The following SIDT1 variants were observed in gnomAD, a reference collection of about 807,000 sequenced individuals.
SIDT1 encodes the protein SID1 transmembrane family, member 1.
A neutral mutation model predicts 107.5 loss-of-function variants in SIDT1; 101 were observed. The observed-to-expected ratio is 0.94, with a 90% CI of 0.80 to 1.11. The LOEUF (loss-of-function observed/expected upper bound fraction) is 1.11. Ranked by LOEUF, SIDT1 falls within the 50% of genes least tolerant of loss-of-function variation. The pLI, the probability that SIDT1 is intolerant of heterozygous loss-of-function variation, is 0.00. For missense variants in SIDT1, 1,076 were observed against 1,058.2 expected (o/e 1.02, Z -0.23); for synonymous variants, 395 against 398.2 (o/e 0.99, Z 0.10).
intron 13 of SIDT1, among the ~76,000 whole-genome samples, chr3:113,604,495 A>C (rs1490300605): frequency 6.6e-6 from 1 of 152,182 alleles, no homozygotes; most frequent in Non-Finnish European, 1.5e-5. Context: ...GGCCCTCATA[A>C]ATGATTTGGT....
At chr3:113,558,554 C>G (rs1047971492) in intron 1 of SIDT1, among the ~76,000 whole-genome samples, 1 of 152,188 alleles carries the variant, frequency 6.6e-6, no homozygotes, top group Non-Finnish European at 1.5e-5. Flanking sequence ...GAAAGACAGA[C>G]TTACTGCCTG....
chr3:113,562,907 A>G (rs965868218), intron 1 of SIDT1, among the ~76,000 whole-genome samples: 2 of 152,220 alleles, frequency 1.3e-5, no homozygotes, highest in Non-Finnish European at 2.9e-5. Context: ...AAAAAGTAAT[A>G]AAGTTGACTA....
At chr3:113,607,573 C>G (rs995873620) in intron 15 of SIDT1, among the ~76,000 whole-genome samples, 1 of 152,256 alleles carries the variant, frequency 6.6e-6, no homozygotes, top group Non-Finnish European at 1.5e-5. Flanking sequence ...GCCACCAGAA[C>G]TTGGTGACGT....
chr3:113,585,394 T>G (rs1436007992), intron 9 of SIDT1, 124 bp downstream of exon 9: 1 of 732,282 alleles, frequency 1.4e-6, no homozygotes, highest in African/African-American at 1.7e-5. Context: ...AATGTGACCT[T>G]GGATACCTTG....
chr3:113,575,982 A>C (rs934111096), intron 3 of SIDT1, among the ~76,000 whole-genome samples: 1 of 152,166 alleles, frequency 6.6e-6, no homozygotes, highest in Non-Finnish European at 1.5e-5. Flanking sequence ...ACTGCTGTGG[A>C]CTTGTGTGCA....
intron 13 of SIDT1, 122 bp from the exon 14 acceptor site, chr3:113,604,788 T>G: frequency 1.9e-6 from 2 of 1,071,696 alleles, no homozygotes; most frequent in Non-Finnish European, 2.8e-6. Flanking sequence ...ATAATCAGCT[T>G]CTGGTTACTT....
At chr3:113,600,211 G>A (rs1021254981) in intron 10 of SIDT1, among the ~76,000 whole-genome samples, 1 of 151,956 alleles carries the variant, frequency 6.6e-6, no homozygotes. Context: ...TCAGGAGGCC[G>A]AGGCAGGAGA....
chr3:113,634,317 A>C (rs1241986529), downstream of SIDT1, among the ~76,000 whole-genome samples: 1 of 152,126 alleles, frequency 6.6e-6, no homozygotes, highest in African/African-American at 2.4e-5. Flanking sequence ...CTACCTTCCA[A>C]TTTCTATTTA....
intron 9 of SIDT1, among the ~76,000 whole-genome samples, chr3:113,591,053 G>C (rs1944111829): frequency 6.6e-6 from 1 of 152,208 alleles, no homozygotes; most frequent in Admixed American, 6.5e-5. Flanking sequence ...AGACAAAAAG[G>C]TCAAAGGCAG....
At chr3:113,565,823 A>T (rs1216187349) in intron 1 of SIDT1, among the ~76,000 whole-genome samples, 1 of 152,240 alleles carries the variant, frequency 6.6e-6, no homozygotes, top group Non-Finnish European at 1.5e-5. Flanking sequence ...CTTTAATAAA[A>T]TGTGGTCATA....
intron 14 of SIDT1, among the ~76,000 whole-genome samples, chr3:113,606,241 T>C (rs1191833490): frequency 6.6e-6 from 1 of 152,154 alleles, no homozygotes; most frequent in Non-Finnish European, 1.5e-5. Context: ...CTGAAGTTGC[T>C]TCTAATGCAG....
intron 10 of SIDT1, among the ~76,000 whole-genome samples, chr3:113,594,697 T>C (rs1255248959): frequency 6.6e-6 from 1 of 152,060 alleles, no homozygotes; most frequent in African/African-American, 2.4e-5. Context: ...CTTCTGATGG[T>C]AAGCGGAAAC....
intron 3 of SIDT1, 25 bp downstream of exon 3, chr3:113,567,735 C>T (rs1411417661): frequency 1.2e-6 from 2 of 1,608,642 alleles, no homozygotes; most frequent in African/African-American, 2.7e-5. Context: ...CTCTGTTTAC[C>T]TGTCTGTGTT....
chr3:113,625,742 AT>A (rs1055211916), intron 23 of SIDT1, among the ~76,000 whole-genome samples: 1 of 151,674 alleles, frequency 6.6e-6, no homozygotes, highest in African/African-American at 2.4e-5. Flanking sequence ...TTTAAATTGG[AT>A]TTTTTTTCCC....
chr3:113,630,450 G>A (rs938886862), downstream of SIDT1, among the ~76,000 whole-genome samples: 1 of 152,112 alleles, frequency 6.6e-6, no homozygotes, highest in African/African-American at 2.4e-5. Flanking sequence ...GGAGGTCACC[G>A]AGCCAGCTCC....
At chr3:113,588,765 C>A (rs1326226031) in intron 9 of SIDT1, 1 of 151,968 alleles carries the variant, frequency 6.6e-6, no homozygotes, top group Non-Finnish European at 1.5e-5. Flanking sequence ...ACTCATCCTT[C>A]CCTTTGATTC....
At chr3:113,607,209 T>A in intron 15 of SIDT1, 95 bp downstream of exon 15, 1 of 798,318 alleles carries the variant, frequency 1.3e-6, no homozygotes, top group Non-Finnish European at 2.1e-6. Flanking sequence ...AAAACAACTG[T>A]GGAAAACGAC....
chr3:113,573,634 T>A (rs902187417), intron 3 of SIDT1, among the ~76,000 whole-genome samples: 3 of 152,130 alleles, frequency 2.0e-5, no homozygotes, highest in African/African-American at 7.2e-5. Flanking sequence ...CTTTGGGAGA[T>A]GATTAGGTCG....
At chr3:113,607,155 T>A (rs377737512) in intron 15 of SIDT1, 41 bp downstream of exon 15, 29 of 1,272,056 alleles carry the variant, frequency 2.3e-5, no homozygotes, top group Non-Finnish European at 3.0e-5. Context: ...CATTTAGAGA[T>A]GCCTTTCTGT....
Sources: gnomAD v4.1 joint callset for allele counts (sites outside exome capture counted in the v4.1 genomes callset) on GRCh38, gnomAD v4.1.1 for gene constraint, MANE v1.5 for transcripts, NCBI Gene and HGNC (gene_info 2026-07-23, HGNC 2026-07-21) for gene names.